ARHGAP18: variants seen among roughly 807,000 people sequenced by gnomAD.
ARHGAP18 encodes rho GTPase-activating protein 18.
In ARHGAP18, 67 loss-of-function variants were observed where a neutral mutation model predicts 86.2. The observed-to-expected ratio is 0.78, with a 90% confidence interval of 0.64 to 0.95. The LOEUF (loss-of-function observed/expected upper bound fraction) is 0.95, where lower values mean the gene tolerates loss of function less well. Ranked by LOEUF, ARHGAP18 falls within the 40% of genes least tolerant of loss-of-function variation. ARHGAP18 has a pLI of 0.00. For missense variants in ARHGAP18, 691 were observed against 780.4 expected (o/e 0.89, Z 1.37); for synonymous variants, 283 against 280.4 (o/e 1.01, Z -0.09).
chr6:129,627,171 C>T (rs1414194713), intron 5 of ARHGAP18, among the ~76,000 whole-genome samples: 3 of 151,936 alleles, frequency 2.0e-5, no homozygotes, highest in African/African-American at 7.3e-5. Context: ...TTTTACAAAG[C>T]AAATTAAAAC....
At chr6:129,654,983 A>G (rs1773795871) in intron 1 of ARHGAP18, among the ~76,000 whole-genome samples, 1 of 152,192 alleles carries the variant, frequency 6.6e-6, no homozygotes, top group Admixed American at 6.5e-5. Context: ...TGTGTCAGAA[A>G]TCCATCACTT....
chr6:129,705,933 G>A (rs944216023), intron 1 of ARHGAP18, among the ~76,000 whole-genome samples: 15 of 152,160 alleles, frequency 9.9e-5, no homozygotes, highest in African/African-American at 3.4e-4. Context: ...CTGGGTTTAT[G>A]TCACCCCTGT....
chr6:129,702,984 C>A (rs939319794), intron 1 of ARHGAP18, among the ~76,000 whole-genome samples: 1 of 144,362 alleles, frequency 6.9e-6, no homozygotes, highest in East Asian at 2.0e-4. Flanking sequence ...GGTGACAGAG[C>A]GAGACTCCAT....
intron 1 of ARHGAP18, among the ~76,000 whole-genome samples, chr6:129,704,881 T>C (rs1584124964): frequency 6.6e-6 from 1 of 152,216 alleles, no homozygotes; most frequent in East Asian, 1.9e-4. Flanking sequence ...AACTCCCACC[T>C]TGCTTTCTTC....
At chr6:129,651,022 CT>C (rs1193080107) in intron 1 of ARHGAP18, among the ~76,000 whole-genome samples, 1 of 152,122 alleles carries the variant, frequency 6.6e-6, no homozygotes, top group Admixed American at 6.5e-5. Flanking sequence ...ATCTATGTTT[CT>C]TTTTTCTTTT....
At chr6:129,635,555 G>A (rs945818955) in intron 3 of ARHGAP18, among the ~76,000 whole-genome samples, 69 of 152,218 alleles carry the variant, frequency 4.5e-4, no homozygotes, top group African/African-American at 1.6e-3. Context: ...ACATATTTTG[G>A]AGCATGTGGT....
intron 1 of ARHGAP18, among the ~76,000 whole-genome samples, chr6:129,642,473 T>C (rs935960097): frequency 1.3e-5 from 2 of 151,430 alleles, no homozygotes; most frequent in African/African-American, 4.9e-5. Flanking sequence ...TTGGCAGACA[T>C]GGGGTCTTGC....
At chr6:129,578,882 T>C (rs767705531) in intron 14 of ARHGAP18, among the ~76,000 whole-genome samples, 12 of 151,998 alleles carry the variant, frequency 7.9e-5, no homozygotes, top group Non-Finnish European at 1.6e-4. Flanking sequence ...GAGGATGGCT[T>C]GAGCTCAGGA....
At chr6:129,642,097 C>T in intron 1 of ARHGAP18, 79 bp from the exon 2 acceptor site, 1 of 1,319,808 alleles carries the variant, frequency 7.6e-7, no homozygotes, top group Non-Finnish European at 1.1e-6. Flanking sequence ...CAGCAACAAG[C>T]TGGAGAATTT....
rs1788205867 is a variant in ARHGAP18 at position 129,577,666 on chromosome 6, A to G, written c.*847T>C. ...TACTATCATGCATATTTATAATGCT[A>G]ATAATGACAACACGTAAAGCCAGCT... On this transcript the variant is annotated 3_prime_UTR_variant, in exon 15 of 15. Coordinates refer to ENST00000368149, the MANE Select transcript of ARHGAP18 (RefSeq NM_033515.3). 6.6e-6 allele frequency: 1 copy of G among 152,238 alleles called. No individual in the cohort carries two copies. Among genetic ancestry groups the G allele is most frequent in the Non-Finnish European group, 1.5e-5 (1 of 68,028 alleles). The allele number at this position is 152,238 out of a possible 1,614,324, so 9.4% of individuals were successfully genotyped here.
intron 1 of ARHGAP18, among the ~76,000 whole-genome samples, chr6:129,650,882 A>AC (rs1387125774): frequency 6.6e-6 from 1 of 151,242 alleles, no homozygotes; most frequent in Non-Finnish European, 1.5e-5. Context: ...ATATCTCAGT[A>AC]CCTTTCTCTG....
chr6:129,591,289 C>G (rs1432714370), intron 12 of ARHGAP18, among the ~76,000 whole-genome samples: 1 of 152,170 alleles, frequency 6.6e-6, no homozygotes, highest in Non-Finnish European at 1.5e-5. Context: ...TAACCCTTCT[C>G]TTTCACATGT....
chr6:129,677,266 G>A (rs1055183942), intron 1 of ARHGAP18, among the ~76,000 whole-genome samples: 1 of 152,086 alleles, frequency 6.6e-6, no homozygotes, highest in Admixed American at 6.5e-5. Context: ...GGTGGCGGAC[G>A]CCTGTAGTCT....
intron 12 of ARHGAP18, among the ~76,000 whole-genome samples, chr6:129,589,081 C>A (rs954557825): frequency 1.3e-5 from 2 of 152,216 alleles, no homozygotes; most frequent in African/African-American, 2.4e-5. Flanking sequence ...ATGGGAAGGG[C>A]TGCCTTGAAG....
At chr6:129,616,396 TCAGA>T in intron 6 of ARHGAP18, 93 bp from the exon 7 acceptor site, 1 of 976,040 alleles carries the variant, frequency 1.0e-6, no homozygotes, top group Non-Finnish European at 1.5e-6. Flanking sequence ...ATACTGTCGA[TCAGA>T]CAACTATTTA....
At chr6:129,707,103 C>T (rs1774813952) in intron 1 of ARHGAP18, among the ~76,000 whole-genome samples, 2 of 151,244 alleles carry the variant, frequency 1.3e-5, no homozygotes, top group African/African-American at 2.4e-5. Context: ...CGTGGTGGTG[C>T]ATGCCTGTGG....
intron 4 of ARHGAP18, among the ~76,000 whole-genome samples, chr6:129,633,593 A>T (rs991872731): frequency 2.6e-5 from 4 of 152,158 alleles, no homozygotes; most frequent in Admixed American, 1.3e-4. Context: ...ATATCTAAAA[A>T]ATTACCCCAT....
intron 1 of ARHGAP18, among the ~76,000 whole-genome samples, chr6:129,662,498 G>A (rs17812063): frequency 0.05 from 7,630 of 152,250 alleles, 257 homozygotes; most frequent in Admixed American, 0.079. Flanking sequence ...ACATTAGCCC[G>A]TGAACACTAC....
Position 129,580,998 on chromosome 6 carries a change from C to A in ARHGAP18, c.1839-867G>T, listed in dbSNP as rs138299491. Among the ~76,000 whole-genome samples the A allele has an allele frequency of 1.4e-3, 208 of 152,246 alleles. 4 individuals carry two copies. In the East Asian group the frequency reaches 0.037, roughly 27 times the overall value. On this transcript the variant is annotated intron_variant, in intron 13 of 14. Coordinates refer to ENST00000368149, the MANE Select transcript of ARHGAP18 (RefSeq NM_033515.3). ...TTCTGTAAAAGAATTACCTGAGAAA[C>A]CTGCTAAAAATTCAGATGGAGAGCT...
Sources: gnomAD v4.1 joint callset for allele counts (sites outside exome capture counted in the v4.1 genomes callset) on GRCh38, gnomAD v4.1.1 for gene constraint, MANE v1.5 for transcripts, NCBI Gene and HGNC (gene_info 2026-07-23, HGNC 2026-07-21) for gene names.